Variants in PDE4B observed in about 807,000 individuals in gnomAD.
The protein encoded by PDE4B is phosphodiesterase 4B.
Under a neutral mutation model 82.2 loss-of-function variants are expected in PDE4B, and 20 were observed. That is an observed-to-expected ratio of 0.24 (90% CI 0.17 to 0.35). The LOEUF is 0.35. Ranked by LOEUF, PDE4B falls within the 10% of genes least tolerant of loss-of-function variation. The pLI is 1.00. For synonymous variants in PDE4B, 320 were observed against 318.9 expected (o/e 1.00, Z -0.04); for missense variants, 655 against 907.2 (o/e 0.72, Z 3.57).
chr1:65,940,173 A>G (rs779314569), intron 3 of PDE4B, among the ~76,000 whole-genome samples: 5 of 151,866 alleles, frequency 3.3e-5, no homozygotes, highest in Non-Finnish European at 5.9e-5. Flanking sequence ...AATGGCAGTT[A>G]TTGTATAAAA....
chr1:66,104,990 T>C (rs1217380422), intron 3 of PDE4B, among the ~76,000 whole-genome samples: 1 of 151,888 alleles, frequency 6.6e-6, no homozygotes, highest in Non-Finnish European at 1.5e-5. Context: ...TTGCTTTTGG[T>C]GTTTTAGACA....
At position 65,793,186 on chromosome 1, in the gene PDE4B, C is replaced by G. The variant is rs1307267561; in HGVS notation, c.-133C>G. Reference sequence around the variant, plus strand: ...GCCCCGGCGTCCAGAGCGCTGCGGCCGCGGCGGTGCAGCAGAGGCGCCTCG... The same window carrying G: ...GCCCCGGCGTCCAGAGCGCTGCGGCGGCGGCGGTGCAGCAGAGGCGCCTCG... On this transcript the variant is annotated 5_prime_UTR_variant, in exon 1 of 17. Coordinates refer to ENST00000341517, the MANE Select transcript of PDE4B (RefSeq NM_002600.4). The G allele has an allele frequency of 6.6e-6, 1 of 152,276 alleles. No homozygotes were observed. The highest frequency in any genetic ancestry group is 1.5e-5 in the Non-Finnish European group (1 of 68,146). 9.4% of individuals were successfully genotyped at this position (152,276 alleles called of 1,614,324 possible). A position where few individuals can be genotyped will look rare whatever the true frequency, so the allele number is the denominator to read the frequency against.
intron 3 of PDE4B, among the ~76,000 whole-genome samples, chr1:66,117,349 C>T (rs1265922962): frequency 6.6e-6 from 1 of 152,154 alleles, no homozygotes. Flanking sequence ...TTCCCACCCT[C>T]TTCACAACTG....
At chr1:65,823,259 G>A (rs1035736963) in intron 1 of PDE4B, among the ~76,000 whole-genome samples, 3 of 151,912 alleles carry the variant, frequency 2.0e-5, no homozygotes, top group African/African-American at 7.3e-5. Context: ...TGCTGGGTGT[G>A]GTGGTGTGTG....
intron 7 of PDE4B, among the ~76,000 whole-genome samples, chr1:66,299,289 T>C (rs563086504): frequency 3.9e-5 from 6 of 152,266 alleles, no homozygotes; most frequent in African/African-American, 1.4e-4. Flanking sequence ...AGCTCAATGT[T>C]TTTTAGCCTC....
chr1:65,998,004 T>C (rs899016840), intron 3 of PDE4B, among the ~76,000 whole-genome samples: 1 of 152,098 alleles, frequency 6.6e-6, no homozygotes, highest in Admixed American at 6.6e-5. Flanking sequence ...AGGAAAGGTA[T>C]TTTTTGGCCA....
At chr1:66,339,435 C>G (rs1660790395) in intron 8 of PDE4B, among the ~76,000 whole-genome samples, 1 of 152,190 alleles carries the variant, frequency 6.6e-6, no homozygotes, top group Admixed American at 6.5e-5. Flanking sequence ...TTGTTTTATT[C>G]AAATAGTTCT....
chr1:66,133,077 A>G (rs1285904545), intron 3 of PDE4B, among the ~76,000 whole-genome samples: 1 of 152,160 alleles, frequency 6.6e-6, no homozygotes, highest in Non-Finnish European at 1.5e-5. Flanking sequence ...ATCTCCTCCA[A>G]TGTTGCATTT....
chr1:66,127,650 G>C lies in PDE4B; in HGVS notation c.282-119810G>C, dbSNP rs145042123. Among the ~76,000 whole-genome samples the C allele has an allele frequency of 4.4e-3, 662 of 152,178 alleles. 1 individual carries two copies. Among genetic ancestry groups the C allele is most frequent in the Non-Finnish European group, 7.4e-3 (501 of 67,986 alleles). On this transcript the variant is annotated intron_variant, in intron 3 of 16. Coordinates refer to ENST00000341517, the MANE Select transcript of PDE4B (RefSeq NM_002600.4). ...ATATAACACAAAACAGAAAGCATGC[G>C]ATTTCTCAAGTATATTCAGGAGGTT...
intron 3 of PDE4B, among the ~76,000 whole-genome samples, chr1:66,082,537 G>A (rs758971309): frequency 6.6e-6 from 1 of 151,806 alleles, no homozygotes; most frequent in Non-Finnish European, 1.5e-5. Context: ...TTCTAGTTAA[G>A]TATCCTTGGG....
At chr1:66,118,937 C>A (rs1645653724) in intron 3 of PDE4B, among the ~76,000 whole-genome samples, 1 of 152,010 alleles carries the variant, frequency 6.6e-6, no homozygotes, top group African/African-American at 2.4e-5. Context: ...AGAAGCCTTC[C>A]TGGATTCTCA....
At chr1:66,286,079 A>G (rs1656654166) in intron 7 of PDE4B, among the ~76,000 whole-genome samples, 1 of 152,186 alleles carries the variant, frequency 6.6e-6, no homozygotes, top group South Asian at 2.1e-4. Context: ...GGTTAAATAA[A>G]TAAGTGCTAA....
chr1:66,148,457 T>C (rs1355700154), intron 3 of PDE4B, among the ~76,000 whole-genome samples: 2 of 152,286 alleles, frequency 1.3e-5, no homozygotes, highest in African/African-American at 4.8e-5. Context: ...CATGTCTTAC[T>C]TTCTATAGTT....
chr1:66,309,557 C>A (rs761414128), intron 7 of PDE4B, among the ~76,000 whole-genome samples: 1 of 152,146 alleles, frequency 6.6e-6, no homozygotes, highest in Non-Finnish European at 1.5e-5. Context: ...GGGGAATACC[C>A]AGATACGTAG....
chr1:66,344,347 A>G (rs373152967), intron 8 of PDE4B, among the ~76,000 whole-genome samples: 2 of 152,202 alleles, frequency 1.3e-5, no homozygotes, highest in East Asian at 3.8e-4. Flanking sequence ...TGTCCTTGAG[A>G]ATATCTTGTA....
intron 1 of PDE4B, among the ~76,000 whole-genome samples, chr1:65,836,198 T>C (rs1457181361): frequency 6.6e-6 from 1 of 152,168 alleles, no homozygotes; most frequent in African/African-American, 2.4e-5. Context: ...CGTCTCGGCC[T>C]CCCATGGTGC....
In PDE4B at chr1:66,137,101, G is replaced by A. The variant is rs544217843; in HGVS notation, c.282-110359G>A. Reference sequence around the variant, plus strand: ...TTAGATATTAGATACAGGAGATGTGGGGTCAATATAGAGTTTTTAGAATTG... The same window carrying A: ...TTAGATATTAGATACAGGAGATGTGAGGTCAATATAGAGTTTTTAGAATTG... On this transcript the variant is annotated intron_variant, in intron 3 of 16. Transcript: ENST00000341517. Among the ~76,000 whole-genome samples the A allele has an allele frequency of 2.0e-5, 3 of 152,276 alleles. No homozygotes were observed. The East Asian group carries it at 5.8e-4, about 29-fold the overall frequency.
chr1:66,270,523 G>A (rs1351012696), intron 7 of PDE4B, among the ~76,000 whole-genome samples: 1 of 152,174 alleles, frequency 6.6e-6, no homozygotes, highest in African/African-American at 2.4e-5. Flanking sequence ...GAACTTTCAG[G>A]ACCTGTGATG....
chr1:65,944,784 A>G (rs1648619389), intron 3 of PDE4B, among the ~76,000 whole-genome samples: 1 of 151,878 alleles, frequency 6.6e-6, no homozygotes, highest in Non-Finnish European at 1.5e-5. Flanking sequence ...TTTGGAGAGC[A>G]TTTATGACTT....
Sources: gnomAD v4.1 joint callset for allele counts (sites outside exome capture counted in the v4.1 genomes callset) on GRCh38, gnomAD v4.1.1 for gene constraint, MANE v1.5 for transcripts, NCBI Gene and HGNC (gene_info 2026-07-23, HGNC 2026-07-21) for gene names.